The following RBMS3 variants were observed in gnomAD, a reference collection of about 807,000 sequenced individuals.
RBMS3 encodes the protein RNA binding motif single stranded interacting protein 3.
RBMS3 carries 27 observed loss-of-function variants against 66.8 expected under a neutral mutation model. The observed-to-expected ratio is 0.40, with a 90% CI of 0.30 to 0.56. RBMS3 has a LOEUF of 0.56. RBMS3 is among the 20% of genes least tolerant of loss of function. RBMS3 has a pLI of 0.40. For missense variants in RBMS3, 513 were observed against 549.5 expected, an observed-to-expected ratio of 0.93 and a Z score of 0.66; for synonymous variants, 188 against 183.0, an observed-to-expected ratio of 1.03 and a Z score of -0.22.
intron 2 of RBMS3, among the ~76,000 whole-genome samples, chr3:29,486,990 G>T (rs1478238298): frequency 2.6e-5 from 4 of 151,836 alleles, no homozygotes; most frequent in Admixed American, 6.6e-5. Flanking sequence ...AAAAAAAGAT[G>T]CAGTGACATT....
chr3:29,899,843 TG>T, intron 10 of RBMS3, 88 bp downstream of exon 10: 1 of 1,292,438 alleles, frequency 7.7e-7, no homozygotes, highest in Non-Finnish European at 1.1e-6. Flanking sequence ...GTAAAGCTTT[TG>T]TTATAATATG....
chr3:29,833,245 T>C (rs2058420166), intron 6 of RBMS3, among the ~76,000 whole-genome samples: 1 of 152,132 alleles, frequency 6.6e-6, no homozygotes, highest in Non-Finnish European at 1.5e-5. Context: ...AATGTAAGAC[T>C]TCAAAGAACA....
intron 3 of RBMS3, among the ~76,000 whole-genome samples, chr3:29,518,576 G>T (rs2044732891): frequency 6.6e-6 from 1 of 152,152 alleles, no homozygotes. Context: ...TATGTTTTCA[G>T]GATCAATTAG....
intron 12 of RBMS3, among the ~76,000 whole-genome samples, chr3:29,969,326 C>T (rs572035709): frequency 6.6e-6 from 1 of 152,204 alleles, no homozygotes; most frequent in African/African-American, 2.4e-5. Flanking sequence ...TATGATCTCC[C>T]CAACCACAAA....
chr3:29,521,668 C>T (rs2044862019), intron 3 of RBMS3, among the ~76,000 whole-genome samples: 1 of 152,166 alleles, frequency 6.6e-6, no homozygotes, highest in South Asian at 2.1e-4. Flanking sequence ...GCTTTGTGTT[C>T]AGCCTGTTCT....
At chr3:29,502,971 G>C (rs2044034333) in intron 3 of RBMS3, among the ~76,000 whole-genome samples, 1 of 152,060 alleles carries the variant, frequency 6.6e-6, no homozygotes, top group Non-Finnish European at 1.5e-5. Context: ...TATTTGCTCA[G>C]TGGGGATAAG....
At chr3:29,564,476 A>G (rs1044627456) in intron 3 of RBMS3, among the ~76,000 whole-genome samples, 1 of 148,248 alleles carries the variant, frequency 6.7e-6, no homozygotes. Flanking sequence ...ACAAGAGCAA[A>G]AAGTTCATTA....
intron 4 of RBMS3, among the ~76,000 whole-genome samples, chr3:29,653,455 G>T (rs184180408): frequency 1.3e-5 from 2 of 152,084 alleles, no homozygotes; most frequent in Non-Finnish European, 2.9e-5. Context: ...CAGAACTGAC[G>T]GTAAACCTCT....
intron 4 of RBMS3, among the ~76,000 whole-genome samples, chr3:29,666,269 C>T (rs1218810387): frequency 6.6e-6 from 1 of 152,160 alleles, no homozygotes; most frequent in Non-Finnish European, 1.5e-5. Context: ...CATTACAGCA[C>T]ATATATTAAG....
intron 1 of RBMS3, among the ~76,000 whole-genome samples, chr3:29,387,682 C>T (rs2039069644): frequency 6.6e-6 from 1 of 152,180 alleles, no homozygotes; most frequent in East Asian, 1.9e-4. Flanking sequence ...GTGGGCGGAT[C>T]ATGAGGTCAG....
At chr3:29,504,927 T>A (rs2044124778) in intron 3 of RBMS3, among the ~76,000 whole-genome samples, 1 of 152,128 alleles carries the variant, frequency 6.6e-6, no homozygotes, top group African/African-American at 2.4e-5. Context: ...TGCCTATTTT[T>A]AAAATTAGGA....
chr3:29,677,686 A>G (rs1472144724), intron 4 of RBMS3, among the ~76,000 whole-genome samples: 1 of 152,122 alleles, frequency 6.6e-6, no homozygotes, highest in Non-Finnish European at 1.5e-5. Context: ...TCAGATTCTG[A>G]AATTTTTTGT....
chr3:30,003,443 TC>T (rs1699700381), intron 14 of RBMS3, among the ~76,000 whole-genome samples: 1 of 151,930 alleles, frequency 6.6e-6, no homozygotes, highest in Non-Finnish European at 1.5e-5. Context: ...CTCACTTATT[TC>T]CTCAGGCAAT....
chr3:29,779,527 A>G (rs2056547955), intron 6 of RBMS3, among the ~76,000 whole-genome samples: 1 of 151,230 alleles, frequency 6.6e-6, no homozygotes, highest in African/African-American at 2.4e-5. Flanking sequence ...TCTTGCTATC[A>G]GTATTGTTTC....
intron 1 of RBMS3, among the ~76,000 whole-genome samples, chr3:29,365,526 ATAT>A (rs1046268859): frequency 4.6e-5 from 7 of 152,278 alleles, no homozygotes; most frequent in Admixed American, 6.5e-5. Context: ...TGAAAAAAAA[ATAT>A]TATTTCAAAC....
chr3:29,426,202 A>T (rs748869116), intron 1 of RBMS3, among the ~76,000 whole-genome samples: 10 of 152,238 alleles, frequency 6.6e-5, no homozygotes, highest in Admixed American at 3.9e-4. Flanking sequence ...ATTTAAAGAG[A>T]TAAAAAATTA....
At chr3:29,727,432 C>T (rs2053933633) in intron 4 of RBMS3, among the ~76,000 whole-genome samples, 1 of 152,090 alleles carries the variant, frequency 6.6e-6, no homozygotes, top group African/African-American at 2.4e-5. Context: ...AACATGCAAA[C>T]TACAGAATGG....
chr3:29,311,023 G>A (rs2034341989), intron 1 of RBMS3, among the ~76,000 whole-genome samples: 1 of 151,760 alleles, frequency 6.6e-6, no homozygotes, highest in African/African-American at 2.4e-5. Flanking sequence ...TATCAATAGT[G>A]CCACTGTGTT....
At chr3:29,546,849 A>T (rs1239412984) in intron 3 of RBMS3, among the ~76,000 whole-genome samples, 3 of 152,326 alleles carry the variant, frequency 2.0e-5, no homozygotes, top group Admixed American at 2.0e-4. Context: ...AGTTGATGAC[A>T]GCAAGTCTAT....
Sources: gnomAD v4.1 joint callset for allele counts (sites outside exome capture counted in the v4.1 genomes callset) on GRCh38, gnomAD v4.1.1 for gene constraint, MANE v1.5 for transcripts, NCBI Gene and HGNC (gene_info 2026-07-23, HGNC 2026-07-21) for gene names.